FGD2: variants seen among roughly 807,000 people sequenced by gnomAD.
FGD2 encodes FYVE, RhoGEF and PH domain-containing protein 2.
In FGD2, 52 loss-of-function variants were observed where a neutral mutation model predicts 75.9. That is an observed-to-expected ratio of 0.69 (90% confidence interval 0.55 to 0.86). The LOEUF (loss-of-function observed/expected upper bound fraction) is 0.86. Ranked by LOEUF, FGD2 falls within the 40% of genes least tolerant of loss-of-function variation. FGD2 has a pLI of 0.00. For synonymous variants in FGD2, 347 were observed against 348.6 expected, an observed-to-expected ratio of 1.00 and a Z score of 0.05; for missense variants, 790 against 872.0, an observed-to-expected ratio of 0.91 and a Z score of 1.18.
At chr6:37,010,829 G>C in intron 2 of FGD2, 144 bp from the exon 3 acceptor site, 1 of 733,466 alleles carries the variant, frequency 1.4e-6, no homozygotes, top group South Asian at 1.7e-5. Flanking sequence ...CCCAGGGCCG[G>C]CCCAGATGCA....
chr6:37,015,188 T>A (rs1343218087), intron 8 of FGD2, 150 bp downstream of exon 8: 13 of 1,149,748 alleles, frequency 1.1e-5, no homozygotes, highest in South Asian at 1.6e-5. Flanking sequence ...GGCACCCAGA[T>A]GACTTTGGAC....
intron 9 of FGD2, 38 bp from the exon 10 acceptor site, chr6:37,020,503 T>G: frequency 6.4e-7 from 1 of 1,572,572 alleles, no homozygotes; most frequent in East Asian, 2.3e-5. Context: ...ACCCGGGCTA[T>G]GATGAGTCTG....
chr6:37,017,760 C>T (rs941453852), intron 9 of FGD2, among the ~76,000 whole-genome samples: 25 of 151,930 alleles, frequency 1.6e-4, no homozygotes, highest in African/African-American at 5.8e-4. Flanking sequence ...ATGCTCTACC[C>T]TCTAGAGCCC....
chr6:37,020,887 C>CGTGTGTGT (rs1561938376), intron 11 of FGD2, 148 bp downstream of exon 11: 2 of 697,240 alleles, frequency 2.9e-6, no homozygotes, highest in Non-Finnish European at 4.2e-6. Context: ...TGTATGTATG[C>CGTGTGTGT]ATGTGTGTGT....
chr6:37,006,435 AT>A (rs1583286404), intron 1 of FGD2, among the ~76,000 whole-genome samples: 1 of 152,100 alleles, frequency 6.6e-6, no homozygotes, highest in Admixed American at 6.5e-5. Context: ...GAACAGCCTA[AT>A]AGGGGTAGAT....
In FGD2 at chr6:37,027,594, C is replaced by T. The variant is rs1292989326; in HGVS notation, c.1752+19C>T. Reference sequence around the variant, plus strand: ...CCCTCAGGTAAGGCCACCACCTGCCCGCCCCCCGTCAGGCCCTGGCCTTCC... The same window carrying T: ...CCCTCAGGTAAGGCCACCACCTGCCTGCCCCCCGTCAGGCCCTGGCCTTCC... On this transcript the variant is annotated intron_variant, in intron 15 of 15. Coordinates refer to ENST00000274963, the MANE Select transcript of FGD2 (RefSeq NM_173558.4). 2.0e-5 allele frequency: 33 copies of T among 1,613,204 alleles called. No homozygotes were observed. The highest frequency in any genetic ancestry group is 3.3e-5 in the South Asian group (3 of 91,002).
chr6:37,025,540 G>A (rs567354129), intron 13 of FGD2: 28 of 523,374 alleles, frequency 5.3e-5, no homozygotes, highest in African/African-American at 3.6e-4. Context: ...CGGCCCTCGC[G>A]GTGGGGGCCG....
rs1355194523 is a variant in FGD2 at position 37,014,538 on chromosome 6, G to A, written c.824-108G>A. The A allele has an allele frequency of 3.1e-6, 4 of 1,288,018 alleles. No homozygotes were observed. In the African/African-American group the frequency reaches 5.9e-5, roughly 19 times the overall value. The allele number at this position is 1,288,018 out of a possible 1,614,324, so 79.8% of individuals were successfully genotyped here. A position where few individuals can be genotyped will look rare whatever the true frequency, so the allele number is the denominator to read the frequency against. On this transcript the variant is annotated intron_variant, in intron 6 of 15. Coordinates refer to ENST00000274963, the MANE Select transcript of FGD2 (RefSeq NM_173558.4). The stretch of plus-strand genomic sequence containing the variant: ...CTGCACAGGCAGGGCTGCTCCTGGG[G>A]GCTGTCATGGCAGGTCCTGAGGGCC...
chr6:37,023,637 G>A (rs1321923901), intron 13 of FGD2: 1 of 152,234 alleles, frequency 6.6e-6, no homozygotes, highest in Non-Finnish European at 1.5e-5. Context: ...GCCAGTCAGG[G>A]AGGTGTCCCC....
Position 37,013,454 on chromosome 6 carries a change from C to T in FGD2, c.528-155C>T, listed in dbSNP as rs187097494. ...GCTCACAGTCTAAGGAGTAGAGGGGCGCATGTGAGGATGACACCCCCGTAC... is the reference window on the plus strand; with the variant it reads ...GCTCACAGTCTAAGGAGTAGAGGGGTGCATGTGAGGATGACACCCCCGTAC... On this transcript the variant is annotated intron_variant, in intron 4 of 15. Transcript: ENST00000274963. 73 of 1,433,718 alleles carry T rather than the reference C, an allele frequency of 5.1e-5. No individual in the cohort carries two copies. In the African/African-American group the frequency reaches 8.5e-4, roughly 17 times the overall value. 88.8% of individuals were successfully genotyped at this position (1,433,718 alleles called of 1,614,324 possible).
intron 5 of FGD2, 83 bp from the exon 6 acceptor site, chr6:37,013,879 C>A: frequency 6.3e-7 from 1 of 1,583,154 alleles, no homozygotes; most frequent in Non-Finnish European, 8.6e-7. Flanking sequence ...TAGGCCCCTG[C>A]CTACTCGTCC....
rs1353277729 is a variant in FGD2, at chr6:37,021,502, T to C, written c.1234-10T>C. 1.3e-6 allele frequency: 2 copies of C among 1,591,358 alleles called. No individual in the cohort carries two copies. The highest frequency in any genetic ancestry group is 2.3e-5 in the East Asian group (1 of 44,334). ...CTCAAGCCCCGACCCTCCCCCTCCC[T>C]GCACCCCAGGCCTTCCAAGCAGCCA... is the stretch of plus-strand genomic sequence containing the variant. On this transcript the variant is annotated splice_polypyrimidine_tract_variant and intron_variant, in intron 11 of 15. Coordinates refer to ENST00000274963, the MANE Select transcript of FGD2 (RefSeq NM_173558.4).
chr6:37,012,452 C>T (rs1227918887), intron 4 of FGD2, among the ~76,000 whole-genome samples: 2 of 152,024 alleles, frequency 1.3e-5, no homozygotes, highest in Non-Finnish European at 1.5e-5. Context: ...TGGCTCATGC[C>T]TGTAATCCCA....
At chr6:37,015,182 C>A (rs1391525163) in intron 8 of FGD2, 144 bp downstream of exon 8, 4 of 1,187,472 alleles carry the variant, frequency 3.4e-6, no homozygotes, top group Non-Finnish European at 4.6e-6. Flanking sequence ...TGCTTTGGCA[C>A]CCAGATGACT....
chr6:37,020,133 T>G (rs1158538282), intron 9 of FGD2, among the ~76,000 whole-genome samples: 1 of 152,250 alleles, frequency 6.6e-6, no homozygotes, highest in Non-Finnish European at 1.5e-5. Flanking sequence ...ATTACAGGCG[T>G]GAGCCACTGC....
intron 9 of FGD2, among the ~76,000 whole-genome samples, chr6:37,017,805 AC>A (rs75929449): frequency 0.064 from 9,708 of 152,040 alleles, 773 homozygotes; most frequent in East Asian, 0.41. Flanking sequence ...AAAGAGCCCC[AC>A]CCCTGCTCCT....
At position 37,025,957 on chromosome 6, in the gene FGD2, G is replaced by C; in HGVS notation, c.1605+19G>C. 6.2e-7 allele frequency: 1 copy of C among 1,612,952 alleles called. No individual in the cohort carries two copies. Among genetic ancestry groups the C allele is most frequent in the Non-Finnish European group, 8.5e-7 (1 of 1,179,588 alleles). Reference sequence around the variant, plus strand: ...CCTGGAGGTGAGGGCCACTGTCCCCGCGCTCACCATCCGTCCTCTGTTCAG... The same window carrying C: ...CCTGGAGGTGAGGGCCACTGTCCCCCCGCTCACCATCCGTCCTCTGTTCAG... On this transcript the variant is annotated intron_variant, in intron 14 of 15. Coordinates refer to ENST00000274963, the MANE Select transcript of FGD2 (RefSeq NM_173558.4).
intron 4 of FGD2, chr6:37,013,306 C>A (rs1765112117): frequency 7.9e-6 from 3 of 380,452 alleles, no homozygotes; most frequent in Non-Finnish European, 1.3e-5. Flanking sequence ...TGGTAGGTAG[C>A]CCTCGTTATT....
intron 15 of FGD2, 61 bp downstream of exon 15, chr6:37,027,636 AG>A (rs1765890367): frequency 1.3e-6 from 2 of 1,586,966 alleles, no homozygotes; most frequent in African/African-American, 2.7e-5. Context: ...GTGTGTGTGA[AG>A]GGGGTCAGGG....
Sources: allele counts gnomAD v4.1 joint callset (sites outside exome capture counted in the v4.1 genomes callset), GRCh38; gene constraint gnomAD v4.1.1; transcripts MANE v1.5; gene names NCBI Gene and HGNC (gene_info 2026-07-23, HGNC 2026-07-21).